DPP6: variants seen among roughly 807,000 people sequenced by gnomAD.
DPP6 encodes A-type potassium channel modulatory protein DPP6.
A neutral mutation model predicts 122.6 loss-of-function variants in DPP6; 69 were observed. The observed-to-expected ratio is 0.56, with a 90% CI of 0.46 to 0.69. The LOEUF is 0.69. Ranked by LOEUF, DPP6 falls within the 30% of genes least tolerant of loss-of-function variation. The pLI is 0.00. For missense variants in DPP6, 928 were observed against 1,116.9 expected (o/e 0.83, Z 2.41); for synonymous variants, 418 against 433.1 (o/e 0.97, Z 0.43).
intron 16 of DPP6, among the ~76,000 whole-genome samples, chr7:154,820,415 C>T (rs1263747176): frequency 6.6e-6 from 1 of 152,050 alleles, no homozygotes. Flanking sequence ...ACAATATTTA[C>T]AAAACAAATT....
intron 1 of DPP6, among the ~76,000 whole-genome samples, chr7:154,281,523 C>A (rs532562735): frequency 5.6e-4 from 85 of 152,248 alleles, no homozygotes; most frequent in African/African-American, 1.8e-3. Context: ...AAACTTAACA[C>A]CACCACTGTT....
chr7:154,534,143 A>G (rs980181836), intron 3 of DPP6, among the ~76,000 whole-genome samples: 2 of 152,180 alleles, frequency 1.3e-5, no homozygotes, highest in Non-Finnish European at 1.5e-5. Context: ...ACCTCATAAG[A>G]TAATTGCAAT....
At chr7:154,175,846 C>T (rs144862520) in intron 1 of DPP6, among the ~76,000 whole-genome samples, 4,639 of 151,810 alleles carry the variant, frequency 0.031, 78 homozygotes, top group Middle Eastern at 0.051. Context: ...CATCACCACA[C>T]CTGTCTAACT....
At chr7:153,976,877 C>T (rs1172273179) in intron 1 of DPP6, among the ~76,000 whole-genome samples, 1 of 152,186 alleles carries the variant, frequency 6.6e-6, no homozygotes, top group Non-Finnish European at 1.5e-5. Context: ...CTGGGCCCCT[C>T]CCTCACACCT....
intron 1 of DPP6, among the ~76,000 whole-genome samples, chr7:153,944,269 A>G (rs898601344): frequency 1.3e-5 from 2 of 152,134 alleles, no homozygotes; most frequent in Admixed American, 1.3e-4. Flanking sequence ...GCGTTTGTGC[A>G]TGTGTGTTCA....
chr7:153,846,727 C>G, the DPP6 span, among the ~76,000 whole-genome samples: 1 of 120,704 alleles, frequency 8.3e-6, no homozygotes, highest in Non-Finnish European at 1.6e-5. Context: ...GAGTCTCGCT[C>G]TGTTACCCAG....
intron 5 of DPP6, among the ~76,000 whole-genome samples, chr7:154,575,433 A>ATGTGTGTGGTGTGTGTATG (rs1831553172): frequency 3.1e-5 from 1 of 31,960 alleles, no homozygotes; most frequent in Non-Finnish European, 5.1e-5. Flanking sequence ...TGTGGTGTGT[A>ATGTGTGTGGTGTGTGTATG]TGTGTGTGGT....
Position 154,553,235 on chromosome 7 carries a change from A to G in DPP6, c.552+12609A>G, listed in dbSNP as rs145379985. On this transcript the variant is annotated intron_variant, in intron 4 of 25. Transcript: ENST00000377770. ...AGGAGAAGTTGGTTTAAGTTACATCACAGGAGTAGAATTGATAACACTTGG... is the reference window on the plus strand; with the variant it reads ...AGGAGAAGTTGGTTTAAGTTACATCGCAGGAGTAGAATTGATAACACTTGG... Among the ~76,000 whole-genome samples, 101 of 152,358 alleles carry G rather than the reference A, an allele frequency of 6.6e-4. 2 individuals are homozygous for G. Among genetic ancestry groups the G allele is most frequent in the African/African-American group, 2.2e-3 (90 of 41,582 alleles).
intron 1 of DPP6, among the ~76,000 whole-genome samples, chr7:154,060,668 TGA>T (rs1801668676): frequency 7.2e-6 from 1 of 139,062 alleles, no homozygotes; most frequent in Non-Finnish European, 1.5e-5. Context: ...GAGTGGCGAC[TGA>T]GAGCTATCCC....
chr7:153,793,186 G>T, the DPP6 span, among the ~76,000 whole-genome samples: 1 of 152,004 alleles, frequency 6.6e-6, no homozygotes, highest in Admixed American at 6.6e-5. Context: ...GAACAGTTTG[G>T]AGGGCTCAGA....
chr7:153,855,226 C>G, the DPP6 span, among the ~76,000 whole-genome samples: 2 of 146,632 alleles, frequency 1.4e-5, no homozygotes, highest in African/African-American at 2.5e-5. Context: ...TACCCTAAAA[C>G]TTAAAGTATA....
In DPP6 at chr7:154,140,822, G is replaced by A. The variant is rs544148630; in HGVS notation, c.243+87759G>A. Reference sequence around the variant, plus strand: ...TGCCTCAAAACCTTTTTGGAAGTAGGGAGGATATAAATAAATCAGTTAATA... The same window carrying A: ...TGCCTCAAAACCTTTTTGGAAGTAGAGAGGATATAAATAAATCAGTTAATA... On this transcript the variant is annotated intron_variant, in intron 1 of 25. Coordinates refer to ENST00000377770, the MANE Select transcript of DPP6 (RefSeq NM_130797.4). 1.4e-3 allele frequency among the ~76,000 whole-genome samples: 216 copies of A among 152,254 alleles called. 1 individual carries two copies. Among genetic ancestry groups the A allele is most frequent in the East Asian group, 3.1e-3 (16 of 5,178 alleles).
intron 1 of DPP6, among the ~76,000 whole-genome samples, chr7:154,074,641 G>A (rs1396613824): frequency 1.3e-5 from 2 of 152,142 alleles, no homozygotes; most frequent in African/African-American, 4.8e-5. Context: ...AAAAAGAAAG[G>A]TTAAATTGCT....
chr7:154,290,483 C>G (rs960032087), intron 1 of DPP6, among the ~76,000 whole-genome samples: 2 of 151,990 alleles, frequency 1.3e-5, no homozygotes, highest in African/African-American at 4.8e-5. Flanking sequence ...CCTGCCACCC[C>G]CCTGCCTTGC....
rs538738373 is a variant in DPP6, at chr7:153,893,026, C to A, written c.51+5292C>A. 2.0e-5 allele frequency among the ~76,000 whole-genome samples: 3 copies of A among 152,276 alleles called. No individual in the cohort carries two copies. The East Asian group carries it at 5.8e-4, about 29-fold the overall frequency. On this transcript the variant is annotated intron_variant, in intron 1 of 25. Transcript: ENST00000404039. ...TGCAGGATTTATAGGAATGGGGATA[C>A]TTTAAACATGTTTATGGCCCATTAA...
chr7:154,445,535 C>G (rs756929508), intron 1 of DPP6, among the ~76,000 whole-genome samples: 1 of 152,228 alleles, frequency 6.6e-6, no homozygotes, highest in East Asian at 1.9e-4. Flanking sequence ...CCTCTCTCAC[C>G]TGCCACTCTT....
chr7:154,140,344 C>G (rs1289705831), intron 1 of DPP6, among the ~76,000 whole-genome samples: 2 of 152,214 alleles, frequency 1.3e-5, no homozygotes, highest in African/African-American at 4.8e-5. Flanking sequence ...CAAGTTTACT[C>G]TGACGGATTA....
intron 1 of DPP6, among the ~76,000 whole-genome samples, chr7:154,363,674 A>C (rs1811923015): frequency 6.6e-6 from 1 of 152,176 alleles, no homozygotes; most frequent in African/African-American, 2.4e-5. Flanking sequence ...TGTTTTGAAA[A>C]TGTCTATTTT....
At position 154,579,983 on chromosome 7, in the gene DPP6, G is replaced by A. The variant is rs190792711; in HGVS notation, c.627+13067G>A. On this transcript the variant is annotated intron_variant, in intron 5 of 25. Coordinates refer to ENST00000377770, the MANE Select transcript of DPP6 (RefSeq NM_130797.4). ...AAGAGAGAGAGAGAGCACTTTGCCC[G>A]GAATGAGCCCCATAATCAGACACCA... 2.6e-3 allele frequency among the ~76,000 whole-genome samples: 392 copies of A among 152,178 alleles called. 1 individual carries two copies. The highest frequency in any genetic ancestry group is 9.0e-3 in the African/African-American group (372 of 41,500).
Sources: allele counts gnomAD v4.1 joint callset (sites outside exome capture counted in the v4.1 genomes callset), GRCh38; gene constraint gnomAD v4.1.1; transcripts MANE v1.5; gene names NCBI Gene and HGNC (gene_info 2026-07-23, HGNC 2026-07-21).